The following CAPN15 variants were observed in gnomAD, a reference collection of about 807,000 sequenced individuals.
The protein encoded by CAPN15 is calpain 15.
In CAPN15, 53 loss-of-function variants were observed where a neutral mutation model predicts 97.9. The ratio of observed to expected loss-of-function variants is 0.54; its 90% CI spans 0.43 to 0.68. The LOEUF (loss-of-function observed/expected upper bound fraction) is 0.68, where lower values mean the gene tolerates loss of function less well. Among genes scored for constraint, CAPN15 ranks in the 30% least tolerant of loss-of-function variants. The pLI, the probability that CAPN15 is intolerant of heterozygous loss-of-function variation, is 0.00. For missense variants in CAPN15, 1,592 were observed against 1,589.8 expected, an observed-to-expected ratio of 1.00 and a Z score of -0.02; for synonymous variants, 922 against 722.5, an observed-to-expected ratio of 1.28 and a Z score of -4.43.
Position 546,937 on chromosome 16 carries a change from C to G in CAPN15, c.99C>G (p.Pro33=), listed in dbSNP as rs148465501. ...CSICEAPRHK[P]DLNHILRLSV... ...TCTGCGAGGCTCCCCGGCACAAGCC[C>G]GACCTCAACCACATCCTGCGGCTCA... The change falls in exon 4 of 14, where the codon CCC becomes CCG. Residue 33 remains proline, a synonymous_variant. Coordinates refer to ENST00000219611, the MANE Select transcript of CAPN15 (RefSeq NM_005632.3). 3 of 1,610,822 alleles carry G rather than the reference C, an allele frequency of 1.9e-6. No homozygotes were observed. The highest frequency in any genetic ancestry group is 2.2e-5 in the East Asian group (1 of 44,866).
chr16:537,194 G>A (rs2033795029), intron 3 of CAPN15: 14 of 985,364 alleles, frequency 1.4e-5, no homozygotes, highest in East Asian at 1.1e-4. Flanking sequence ...GCTCTCCTAG[G>A]ACAGGCCTCC....
At position 549,297 on chromosome 16, in the gene CAPN15, CG is replaced by C; in HGVS notation, c.1669del (p.Ala557ProfsTer15). 6.3e-7 allele frequency: 1 copy of C among 1,587,886 alleles called. No individual in the cohort carries two copies. Among genetic ancestry groups the C allele is most frequent in the Non-Finnish European group, 8.5e-7 (1 of 1,174,042 alleles). ...CTGAGGCTCTGCGCAGGTTCCTGAG[CG>C]CCCTGGCGGTGCTGGCGGAGCGGCC... ...GLLGNCWFLS[A>X]LAVLAERPDL... On this transcript the variant is annotated frameshift_variant, in exon 6 of 14. Transcript: ENST00000219611. LOFTEE classifies it high-confidence loss of function.
intron 3 of CAPN15, chr16:538,887 C>G (rs2033911722): frequency 6.6e-6 from 1 of 151,184 alleles, no homozygotes; most frequent in African/African-American, 2.4e-5. Flanking sequence ...CCCCCCCAGC[C>G]CGCTCACCTA....
Position 552,325 on chromosome 16 carries a change from C to T in CAPN15, c.2532C>T (p.His844=), listed in dbSNP as rs2035149456. 7 of 1,578,814 alleles carry T rather than the reference C, an allele frequency of 4.4e-6. No homozygotes were observed. Among genetic ancestry groups the T allele is most frequent in the Non-Finnish European group, 6.0e-6 (7 of 1,167,872 alleles). The stretch of plus-strand genomic sequence containing the variant: ...GGCGCTCGGACGCCGTGGACAGCCA[C>T]CTGCTGGACCTGTGCATCCTGGTGT... The part of the protein sequence containing the change: ...GSRRSDAVDS[H]LLDLCILVFR... The change falls in exon 11 of 14, where the codon CAC becomes CAT. Residue 844 remains histidine, a synonymous_variant. Coordinates refer to ENST00000219611, the MANE Select transcript of CAPN15 (RefSeq NM_005632.3). This position sits in a 1 kb window ranked among gnomAD's most constrained non-coding sequence, Gnocchi z 6.4.
chr16:548,295 G>T lies in CAPN15; in HGVS notation c.1449+8G>T. Reference sequence around the variant, plus strand: ...GTGGCCTTCTGCCGGGAGGTGAGGCGCCCCCTCGCCCTCTTCCTGCTCCTG... The same window carrying T: ...GTGGCCTTCTGCCGGGAGGTGAGGCTCCCCCTCGCCCTCTTCCTGCTCCTG... On this transcript the variant is annotated splice_region_variant and intron_variant, in intron 4 of 13. Coordinates refer to ENST00000219611, the MANE Select transcript of CAPN15 (RefSeq NM_005632.3). The T allele has an allele frequency of 6.8e-7, 1 of 1,462,984 alleles. No homozygotes were observed. Among genetic ancestry groups the T allele is most frequent in the East Asian group, 2.7e-5 (1 of 37,704 alleles). The allele number at this position is 1,462,984 out of a possible 1,614,324, so 90.6% of individuals were successfully genotyped here.
At chr16:534,200 A>C (rs2033500711) in intron 2 of CAPN15, among the ~76,000 whole-genome samples, 3 of 152,376 alleles carry the variant, frequency 2.0e-5, no homozygotes, top group East Asian at 1.9e-4. Flanking sequence ...CTGTCGTGGG[A>C]GGCGACGGTG....
At position 548,159 on chromosome 16, in the gene CAPN15, C is replaced by T. The variant is rs1206713359; in HGVS notation, c.1321C>T (p.Leu441=). The change falls in exon 4 of 14, where the codon CTG becomes TTG. Residue 441 remains leucine, a synonymous_variant. Transcript: ENST00000219611. ...CGCCGCCTGCCACACGCCTCAGCTC[C>T]TGGTGGCCCAGCGGCGGGGGGCCGC... The part of the protein sequence containing the change: ...HCAACHTPQL[L]VAQRRGAAPL... 3 of 1,538,400 alleles carry T rather than the reference C, an allele frequency of 2.0e-6. No homozygotes were observed. The Admixed American group carries it at 6.1e-5, about 31-fold the overall frequency.
rs532782033 is a variant in CAPN15, at chr16:549,605, C to T, written c.1843-10C>T. 8 of 1,531,954 alleles carry T rather than the reference C, an allele frequency of 5.2e-6. No individual in the cohort carries two copies. The South Asian group carries it at 5.9e-5, about 11-fold the overall frequency. The allele number at this position is 1,531,954 out of a possible 1,614,324, so 94.9% of individuals were successfully genotyped here. A position where few individuals can be genotyped will look rare whatever the true frequency, so the allele number is the denominator to read the frequency against. Reference sequence around the variant, plus strand: ...CGGGCGGGGGTGGCCTCTGACCCGGCCCTCTGCAGGCGCAGCGGAAGCAGC... The same window carrying T: ...CGGGCGGGGGTGGCCTCTGACCCGGTCCTCTGCAGGCGCAGCGGAAGCAGC... On this transcript the variant is annotated splice_polypyrimidine_tract_variant and intron_variant, in intron 6 of 13. Transcript: ENST00000219611.
chr16:547,343 C>A lies in CAPN15; in HGVS notation c.505C>A (p.Pro169Thr). Residue 169 changes from proline to threonine, a missense_variant, in exon 4 of 14, where the codon CCA (proline) becomes ACA (threonine). By Grantham distance (38) the Pro-to-Thr change is conservative. Coordinates refer to ENST00000219611, the MANE Select transcript of CAPN15 (RefSeq NM_005632.3). The stretch of plus-strand genomic sequence containing the variant: ...CAGCTCCTGCTCCGTCTGCGGGGGC[C>A]CACGCAGGCTCTCGCTGCCACGGAT... Reference protein sequence around the residue: ...VASSCSVCGGPRRLSLPRIPP... With the variant: ...VASSCSVCGGTRRLSLPRIPP... The A allele has an allele frequency of 6.5e-7, 1 of 1,541,694 alleles. No individual in the cohort carries two copies. The highest frequency in any genetic ancestry group is 8.7e-7 in the Non-Finnish European group (1 of 1,150,416).
chr16:545,517 T>G (rs2034525465), intron 3 of CAPN15, among the ~76,000 whole-genome samples: 2 of 152,260 alleles, frequency 1.3e-5, no homozygotes, highest in Non-Finnish European at 2.9e-5. Context: ...GGCCTTGTTC[T>G]GACTTCATTG....
intron 1 of CAPN15, among the ~76,000 whole-genome samples, chr16:530,327 C>G (rs528884947): frequency 6.6e-6 from 1 of 152,226 alleles, no homozygotes; most frequent in African/African-American, 2.4e-5. Context: ...TGCAGCCGTG[C>G]GCAGAGCAGG....
chr16:544,749 TCGC>T lies in CAPN15; in HGVS notation c.-22-2066_-22-2064del, dbSNP rs1320996360. On this transcript the variant is annotated intron_variant, in intron 3 of 13. Coordinates refer to ENST00000219611, the MANE Select transcript of CAPN15 (RefSeq NM_005632.3). ...CCCCCACGTCGCCTCCCCCACGTCG[TCGC>T]CTCCCCCACGTCGCCTCCCCCACGT... 6.8e-3 allele frequency among the ~76,000 whole-genome samples: 121 copies of T among 17,702 alleles called. 1 individual carries two copies. Among genetic ancestry groups the T allele is most frequent in the Middle Eastern group, 0.026 (1 of 38 alleles). 11.6% of individuals were successfully genotyped at this position (17,702 alleles called of 152,430 possible). A position where few individuals can be genotyped will look rare whatever the true frequency, so the allele number is the denominator to read the frequency against.
Position 552,285 on chromosome 16 carries a change from G to T in CAPN15, c.2508-16G>T. The stretch of plus-strand genomic sequence containing the variant: ...CCGTGACCACGCGTGACCCTGGCCC[G>T]TGGTGTCTGGCGCAGGCGCTCGGAC... On this transcript the variant is annotated splice_polypyrimidine_tract_variant and intron_variant, in intron 10 of 13. Coordinates refer to ENST00000219611, the MANE Select transcript of CAPN15 (RefSeq NM_005632.3). This position sits in a 1 kb window ranked among gnomAD's most constrained non-coding sequence, Gnocchi z 6.4. The T allele has an allele frequency of 6.5e-7, 1 of 1,543,640 alleles. No individual in the cohort carries two copies. Among genetic ancestry groups the T allele is most frequent in the Non-Finnish European group, 8.7e-7 (1 of 1,147,384 alleles).
In CAPN15 at chr16:532,554, C is replaced by CAA. The variant is rs530000758; in HGVS notation, c.-189-1378_-189-1377dup. 2.5e-3 allele frequency among the ~76,000 whole-genome samples: 213 copies of CAA among 83,574 alleles called. 3 individuals carry two copies. Among genetic ancestry groups the CAA allele is most frequent in the African/African-American group, 4.8e-3 (101 of 21,142 alleles). 54.8% of individuals were successfully genotyped at this position (83,574 alleles called of 152,430 possible). The stretch of plus-strand genomic sequence containing the variant: ...TAGGTGACAGAGTGATACCCTGTCT[C>CAA]AAAAAAAAAAAAAAAGCCAGCCGCT... On this transcript the variant is annotated intron_variant, in intron 1 of 13. Coordinates refer to ENST00000219611, the MANE Select transcript of CAPN15 (RefSeq NM_005632.3).
chr16:529,724 G>A (rs907021727), intron 1 of CAPN15, among the ~76,000 whole-genome samples: 3 of 152,196 alleles, frequency 2.0e-5, no homozygotes, highest in Non-Finnish European at 4.4e-5. Context: ...GAAGGAGGAC[G>A]ACATCATTAA....
At chr16:538,880 C>T (rs905591420) in intron 3 of CAPN15, 7 of 151,812 alleles carry the variant, frequency 4.6e-5, no homozygotes, top group African/African-American at 1.5e-4. Flanking sequence ...CCCCCACCCC[C>T]CCCAGCCCGC....
In CAPN15 at chr16:553,015, C is replaced by T. The variant is rs760729281; in HGVS notation, c.3057C>T (p.Thr1019=). Residue 1019 remains threonine (T), a synonymous_variant, in exon 13 of 14, where the codon ACC becomes ACT. Transcript: ENST00000219611. ...TGTCCACACGCGGCAGCCTGCGTAC[C>T]CAGGATAGCGTGCCACCCCTGCACA... ...NVVSTRGSLR[T]QDSVPPLHRQ... is the part of the protein sequence containing the mutation. 2.5e-6 allele frequency: 4 copies of T among 1,604,840 alleles called. No homozygotes were observed. The African/African-American group carries it at 5.4e-5, about 22-fold the overall frequency.
At position 530,344 on chromosome 16, in the gene CAPN15, G is replaced by A. The variant is rs1402586255; in HGVS notation, c.-190+2315G>A. 2.0e-5 allele frequency among the ~76,000 whole-genome samples: 3 copies of A among 152,360 alleles called. No individual in the cohort carries two copies. The East Asian group carries it at 5.8e-4, about 29-fold the overall frequency. On this transcript the variant is annotated intron_variant, in intron 1 of 13. Coordinates refer to ENST00000219611, the MANE Select transcript of CAPN15 (RefSeq NM_005632.3). ...CAGCCGTGCGCAGAGCAGGCGGTCA[G>A]TGAGCACCTGGGGTTGGCCCTCACC...
rs1008400298 is a variant in CAPN15, at chr16:535,637, C to T, written c.-136-392C>T. ...AGGCATGGATCCACACAGCCCGGGGCCCTCCGCACCCTGCCCCTCCAGGGA... is the reference window on the plus strand; with the variant it reads ...AGGCATGGATCCACACAGCCCGGGGTCCTCCGCACCCTGCCCCTCCAGGGA... On this transcript the variant is annotated intron_variant, in intron 2 of 13. Coordinates refer to ENST00000219611, the MANE Select transcript of CAPN15 (RefSeq NM_005632.3). This position sits in a 1 kb window ranked among gnomAD's most constrained non-coding sequence, Gnocchi z 6.2. Among the ~76,000 whole-genome samples the T allele has an allele frequency of 3.3e-5, 5 of 152,174 alleles. No individual in the cohort carries two copies. The highest frequency in any genetic ancestry group is 2.6e-4 in the Admixed American group (4 of 15,290).
Sources: gnomAD v4.1 joint callset for allele counts (sites outside exome capture counted in the v4.1 genomes callset) on GRCh38, gnomAD v4.1.1 for gene constraint, Gnocchi (gnomAD v3.1) non-coding constraint, MANE v1.5 for transcripts, NCBI Gene and HGNC (gene_info 2026-07-23, HGNC 2026-07-21) for gene names.